Variants in RIMS2 observed in about 807,000 individuals in gnomAD.
The protein encoded by RIMS2 is regulating synaptic membrane exocytosis protein 2.
In RIMS2, 59 loss-of-function variants were observed where a neutral mutation model predicts 174.4. The ratio of observed to expected loss-of-function variants is 0.34; its 90% CI spans 0.27 to 0.42. The LOEUF (loss-of-function observed/expected upper bound fraction) is 0.42, where lower values mean the gene tolerates loss of function less well. Ranked by LOEUF, RIMS2 falls within the 10% of genes least tolerant of loss-of-function variation. The probability of loss-of-function intolerance (pLI) is 1.00; values close to 1 mark genes in which losing one functional copy is unlikely to be tolerated. For missense variants in RIMS2, 1,620 were observed against 1,666.3 expected (o/e 0.97, Z 0.48); for synonymous variants, 606 against 572.5 (o/e 1.06, Z -0.84).
chr8:103,861,808 G>A (rs904439553), intron 3 of RIMS2, among the ~76,000 whole-genome samples: 5 of 151,808 alleles, frequency 3.3e-5, no homozygotes, highest in African/African-American at 7.3e-5. Context: ...GATGTCCTTT[G>A]TCTACTTTTT....
At chr8:104,024,239 G>A (rs1415649411) in intron 19 of RIMS2, among the ~76,000 whole-genome samples, 1 of 152,138 alleles carries the variant, frequency 6.6e-6, no homozygotes, top group Non-Finnish European at 1.5e-5. Context: ...AATGCCACGT[G>A]GCCTCGAACC....
chr8:103,964,443 T>A (rs2091205630), intron 15 of RIMS2, among the ~76,000 whole-genome samples: 1 of 152,208 alleles, frequency 6.6e-6, no homozygotes, highest in East Asian at 1.9e-4. Context: ...ATATGCTTAT[T>A]TGCCATCTGT....
rs1478038618 is a variant in RIMS2 at position 103,896,782 on chromosome 8, C to T, written c.1624+10559C>T. ...GATTAGATGGGATTCTGAACCAGTG[C>T]ACCTACTTTTGGTCTAACATAGCAG... On this transcript the variant is annotated intron_variant, in intron 4 of 23. Transcript: ENST00000504942. 3.3e-5 allele frequency among the ~76,000 whole-genome samples: 5 copies of T among 151,716 alleles called. No homozygotes were observed. In the South Asian group the frequency reaches 6.2e-4, roughly 19 times the overall value.
intron 11 of RIMS2, among the ~76,000 whole-genome samples, chr8:103,929,694 C>T (rs950654716): frequency 6.6e-6 from 1 of 151,864 alleles, no homozygotes; most frequent in Non-Finnish European, 1.5e-5. Context: ...CCTCTTTGAT[C>T]TCATATACAA....
At chr8:103,822,031 A>G (rs1015289061) in intron 3 of RIMS2, among the ~76,000 whole-genome samples, 3 of 151,690 alleles carry the variant, frequency 2.0e-5, no homozygotes, top group South Asian at 2.1e-4. Context: ...ACTAGTTGAC[A>G]TGGAATATTC....
chr8:103,593,031 A>G (rs1588489576), intron 1 of RIMS2, among the ~76,000 whole-genome samples: 2 of 151,444 alleles, frequency 1.3e-5, no homozygotes, highest in East Asian at 3.9e-4. Flanking sequence ...GTGCCAAACT[A>G]TTGTTATTTA....
At chr8:104,208,500 G>A (rs999676473) in intron 19 of RIMS2, among the ~76,000 whole-genome samples, 1 of 151,872 alleles carries the variant, frequency 6.6e-6, no homozygotes, top group Non-Finnish European at 1.5e-5. Context: ...CCCGGGAGGC[G>A]GAAGTGGCAG....
chr8:104,224,081 C>A (rs181773637), intron 19 of RIMS2, among the ~76,000 whole-genome samples: 1 of 152,212 alleles, frequency 6.6e-6, no homozygotes, highest in Non-Finnish European at 1.5e-5. Context: ...GGAGGCAAGG[C>A]GGCGCCTCTT....
At chr8:104,254,119 A>G (rs1166698150), downstream of RIMS2, 1 of 151,350 alleles carries the variant, frequency 6.6e-6, no homozygotes, top group East Asian at 1.9e-4. Flanking sequence ...TCCTATACAA[A>G]TTATTTCTAA....
At chr8:104,019,938 TTTTA>T (rs1269888922) in intron 19 of RIMS2, among the ~76,000 whole-genome samples, 1 of 152,136 alleles carries the variant, frequency 6.6e-6, no homozygotes, top group Non-Finnish European at 1.5e-5. Flanking sequence ...TTAATATCAC[TTTTA>T]TTTATTTTAA....
intron 3 of RIMS2, among the ~76,000 whole-genome samples, chr8:103,849,243 A>G (rs2098984365): frequency 6.6e-6 from 1 of 152,046 alleles, no homozygotes; most frequent in African/African-American, 2.4e-5. Context: ...GCCAGCAAGT[A>G]ATCCAACTCC....
intron 3 of RIMS2, among the ~76,000 whole-genome samples, chr8:103,777,648 G>A (rs2098332937): frequency 6.6e-6 from 1 of 151,884 alleles, no homozygotes; most frequent in Admixed American, 6.6e-5. Flanking sequence ...AGTGCTTTAT[G>A]CTAATTAGGG....
In RIMS2 at chr8:104,064,669, TTTAG is replaced by T. The variant is rs200409000; in HGVS notation, c.3334+50058_3334+50061del. Among the ~76,000 whole-genome samples the T allele has an allele frequency of 9.5e-3, 1,447 of 152,200 alleles. 18 individuals carry two copies. Among genetic ancestry groups the T allele is most frequent in the African/African-American group, 0.034 (1,407 of 41,586 alleles). The stretch of plus-strand genomic sequence containing the variant: ...TATGAAACAAATTATATTTTCTCTA[TTTAG>T]TTAATAATTTACTTATACAAAAAAG... On this transcript the variant is annotated intron_variant, in intron 19 of 23. Coordinates refer to ENST00000504942, the Ensembl canonical transcript of RIMS2.
chr8:103,627,929 C>T (rs2095825645), intron 1 of RIMS2, among the ~76,000 whole-genome samples: 1 of 152,120 alleles, frequency 6.6e-6, no homozygotes, highest in Non-Finnish European at 1.5e-5. Flanking sequence ...CTAAATGCGC[C>T]TGCTCCTTTA....
At chr8:104,177,748 T>C (rs1333048857) in intron 19 of RIMS2, among the ~76,000 whole-genome samples, 1 of 152,178 alleles carries the variant, frequency 6.6e-6, no homozygotes, top group Non-Finnish European at 1.5e-5. Flanking sequence ...GGCTATATAT[T>C]GTCCGACTGT....
rs142685341 is a variant in RIMS2 at position 103,749,794 on chromosome 8, G to A, written c.388-16433G>A. Among the ~76,000 whole-genome samples, 43 of 152,144 alleles carry A rather than the reference G, an allele frequency of 2.8e-4. 1 individual carries two copies. The highest frequency in any genetic ancestry group is 9.6e-4 in the African/African-American group (40 of 41,486). On this transcript the variant is annotated intron_variant, in intron 2 of 23. Coordinates refer to ENST00000504942, the Ensembl canonical transcript of RIMS2. ...AAAGGGATCAGGTGATTACATAAATGTTAACCAATTCATTTTATAAATGTT... is the reference window on the plus strand; with the variant it reads ...AAAGGGATCAGGTGATTACATAAATATTAACCAATTCATTTTATAAATGTT...
At chr8:104,043,221 A>G (rs2096638568) in intron 19 of RIMS2, among the ~76,000 whole-genome samples, 1 of 150,220 alleles carries the variant, frequency 6.7e-6, no homozygotes, top group South Asian at 2.1e-4. Context: ...AAGGTAGTTA[A>G]TATAAACTAG....
At chr8:103,836,014 TAAAG>T (rs1238654103) in intron 3 of RIMS2, among the ~76,000 whole-genome samples, 1 of 152,146 alleles carries the variant, frequency 6.6e-6, no homozygotes, top group East Asian at 1.9e-4. Flanking sequence ...TCAGATAAAA[TAAAG>T]AGACAAAAGC....
At chr8:103,944,466 T>C (rs1053822262) in intron 14 of RIMS2, among the ~76,000 whole-genome samples, 6 of 152,064 alleles carry the variant, frequency 3.9e-5, no homozygotes, top group African/African-American at 1.4e-4. Context: ...GCATCTTCTT[T>C]TCATTCGGGA....
Sources: allele counts gnomAD v4.1 joint callset (sites outside exome capture counted in the v4.1 genomes callset), GRCh38; gene constraint gnomAD v4.1.1; transcripts MANE v1.5; gene names NCBI Gene and HGNC (gene_info 2026-07-23, HGNC 2026-07-21).